Variants in MSN observed in about 807,000 individuals in gnomAD.
The protein encoded by MSN is epididymis luminal protein 70.
MSN carries 2 observed loss-of-function variants against 48.0 expected under a neutral mutation model. That is an observed-to-expected ratio of 0.04 (90% confidence interval 0.02 to 0.13). The LOEUF (loss-of-function observed/expected upper bound fraction) is 0.13, where lower values mean the gene tolerates loss of function less well. Among genes scored for constraint, MSN ranks in the 10% least tolerant of loss-of-function variants. MSN has a pLI of 1.00. For synonymous variants in MSN, 146 were observed against 166.9 expected (o/e 0.87, Z 0.97); for missense variants, 267 against 470.1 (o/e 0.57, Z 3.99).
At chrX:65,610,197 A>G (rs776605479) in intron 1 of MSN, among the ~76,000 whole-genome samples, 3 of 111,655 alleles carry the variant, frequency 2.7e-5, no homozygotes, top group Non-Finnish European at 3.8e-5. Flanking sequence ...CCACTTATCT[A>G]TTTCTGAAAC....
chrX:65,671,580 G>C (rs1231474971), intron 1 of MSN, among the ~76,000 whole-genome samples: 4 of 111,755 alleles, frequency 3.6e-5, no homozygotes, highest in African/African-American at 1.3e-4. Flanking sequence ...AGACTTAAGT[G>C]GGGGGAAAAG....
chrX:65,649,884 A>C (rs746019367), intron 1 of MSN, among the ~76,000 whole-genome samples: 1 of 107,377 alleles, frequency 9.3e-6, no homozygotes, highest in African/African-American at 3.4e-5. Flanking sequence ...CAAATAACAT[A>C]CGCACAAGCT....
At chrX:65,713,039 A>G (rs2071429258) in intron 1 of MSN, among the ~76,000 whole-genome samples, 1 of 111,159 alleles carries the variant, frequency 9.0e-6, no homozygotes, top group South Asian at 3.8e-4. Context: ...GTGATTATTG[A>G]TATTAAATGA....
In MSN at chrX:65,711,568, G is replaced by A. The variant is rs942217600; in HGVS notation, c.13-5250G>A. Among the ~76,000 whole-genome samples, 9 of 112,444 alleles carry A rather than the reference G, an allele frequency of 8.0e-5. No individual in the cohort carries two copies. In the South Asian group the frequency reaches 1.8e-3, roughly 23 times the overall value. Reference sequence around the variant, plus strand: ...AAAATATTATTTATGCTCAATACACGTTTGAAATTACAGTGGCAATAACTA... The same window carrying A: ...AAAATATTATTTATGCTCAATACACATTTGAAATTACAGTGGCAATAACTA... On this transcript the variant is annotated intron_variant, in intron 1 of 12. Transcript: ENST00000360270.
At chrX:65,647,115 A>C (rs1015645426) in intron 1 of MSN, among the ~76,000 whole-genome samples, 1 of 111,908 alleles carries the variant, frequency 8.9e-6, no homozygotes, top group Non-Finnish European at 1.9e-5. Context: ...TTGGGGAGAC[A>C]GACATTAATC....
At chrX:65,716,773 AC>A in intron 1 of MSN, 44 bp from the exon 2 acceptor site, 1 of 1,101,225 alleles carries the variant, frequency 9.1e-7, no homozygotes, top group Non-Finnish European at 1.3e-6. Flanking sequence ...GCTCTGTTGA[AC>A]ACAGAGCCAG....
At chrX:65,673,060 T>A (rs1011998302) in intron 1 of MSN, among the ~76,000 whole-genome samples, 3 of 111,550 alleles carry the variant, frequency 2.7e-5, no homozygotes, top group Non-Finnish European at 5.6e-5. Context: ...CCAAGAAGAA[T>A]ACTGGCTTGA....
chrX:65,604,214 A>G (rs969342465), intron 1 of MSN, among the ~76,000 whole-genome samples: 4 of 111,803 alleles, frequency 3.6e-5, no homozygotes, highest in African/African-American at 1.3e-4. Context: ...CAACTACTCT[A>G]TATCATGCAC....
chrX:65,709,155 T>C (rs1309899574), intron 1 of MSN, among the ~76,000 whole-genome samples: 2 of 111,859 alleles, frequency 1.8e-5, no homozygotes, highest in Non-Finnish European at 3.8e-5. Flanking sequence ...TGATTTTTTT[T>C]CCTTTGGATA....
intron 1 of MSN, among the ~76,000 whole-genome samples, chrX:65,662,376 T>C (rs2070830142): frequency 9.0e-6 from 1 of 111,722 alleles, no homozygotes. Flanking sequence ...CTACACAACA[T>C]CAAACTATAC....
In MSN at chrX:65,739,204, T is replaced by G; in HGVS notation, c.1569+10T>G. 8.4e-7 allele frequency: 1 copy of G among 1,195,909 alleles called. No homozygotes were observed. Among genetic ancestry groups the G allele is most frequent in the Non-Finnish European group, 1.1e-6 (1 of 884,626 alleles). ...GCAGAAGCACCTGAAGGTATACAAG[T>G]AGGGCCAAGGGGCAAGGAAACTATA... On this transcript the variant is annotated intron_variant, in intron 12 of 12. Coordinates refer to ENST00000360270, the MANE Select transcript of MSN (RefSeq NM_002444.3).
chrX:65,614,881 A>T (rs1169880795), intron 1 of MSN, among the ~76,000 whole-genome samples: 3 of 65,268 alleles, frequency 4.6e-5, no homozygotes, highest in African/African-American at 1.9e-4. Context: ...CAGTCCCCAG[A>T]GTGTGATATT....
At chrX:65,591,070 C>T in intron 1 of MSN, among the ~76,000 whole-genome samples, 1 of 111,267 alleles carries the variant, frequency 9.0e-6, no homozygotes, top group African/African-American at 3.3e-5. Context: ...ATCCTTGGGG[C>T]CATTCATTCT....
chrX:65,617,882 A>G (rs2070391434), intron 1 of MSN, among the ~76,000 whole-genome samples: 2 of 109,979 alleles, frequency 1.8e-5, no homozygotes, highest in South Asian at 8.1e-4. Flanking sequence ...CTTTGAATGC[A>G]TCCCAGAGAT....
At chrX:65,716,470 T>C in intron 1 of MSN, 1 of 276,351 alleles carries the variant, frequency 3.6e-6, no homozygotes, top group South Asian at 3.5e-5. Flanking sequence ...GAGATGGGGT[T>C]TTGCCATGTT....
At chrX:65,646,317 T>A (rs2070694774) in intron 1 of MSN, among the ~76,000 whole-genome samples, 1 of 112,208 alleles carries the variant, frequency 8.9e-6, no homozygotes, top group Admixed American at 9.5e-5. Flanking sequence ...TCATCCTGAT[T>A]TTAAAGTTGT....
chrX:65,647,371 C>G (rs1420100589), intron 1 of MSN, among the ~76,000 whole-genome samples: 1 of 110,659 alleles, frequency 9.0e-6, no homozygotes, highest in Non-Finnish European at 1.9e-5. Context: ...GCCACCACAC[C>G]CAGCTAATTT....
At chrX:65,605,316 T>C (rs972579672) in intron 1 of MSN, among the ~76,000 whole-genome samples, 1 of 112,045 alleles carries the variant, frequency 8.9e-6, no homozygotes, top group African/African-American at 3.2e-5. Flanking sequence ...GCCTCCTCTT[T>C]CTTATTACCC....
chrX:65,737,127 C>T (rs761296028), intron 9 of MSN, 51 bp from the exon 10 acceptor site: 15 of 1,164,702 alleles, frequency 1.3e-5, no homozygotes, highest in Middle Eastern at 2.4e-4. Flanking sequence ...GCTATTGTGT[C>T]GTCTTTATCT....
Sources: gnomAD v4.1 joint callset for allele counts (sites outside exome capture counted in the v4.1 genomes callset) on GRCh38, gnomAD v4.1.1 for gene constraint, MANE v1.5 for transcripts, NCBI Gene and HGNC (gene_info 2026-07-23, HGNC 2026-07-21) for gene names.